The following CNBD1 variants were observed in gnomAD, a reference collection of about 807,000 sequenced individuals.
CNBD1 encodes cyclic nucleotide binding domain containing 1.
A neutral mutation model predicts 54.4 loss-of-function variants in CNBD1; 71 were observed. That is an observed-to-expected ratio of 1.30 (90% CI 1.08 to 1.59). The LOEUF (loss-of-function observed/expected upper bound fraction) is 1.59. Ranked by LOEUF, CNBD1 falls within the 40% of genes most tolerant of loss-of-function variation. CNBD1 has a pLI of 0.00. For synonymous variants in CNBD1, 182 were observed against 170.7 expected (o/e 1.07, Z -0.51); for missense variants, 659 against 518.0 (o/e 1.27, Z -2.64).
chr8:87,214,381 A>G (rs914194949), intron 5 of CNBD1, among the ~76,000 whole-genome samples: 10 of 152,080 alleles, frequency 6.6e-5, no homozygotes, highest in Non-Finnish European at 1.0e-4. Context: ...CCAGTTCCCA[A>G]CAAGTTATTT....
chr8:86,980,812 T>A (rs77988376), intron 4 of CNBD1, among the ~76,000 whole-genome samples: 2,923 of 152,324 alleles, frequency 0.019, 93 homozygotes, highest in African/African-American at 0.06. Context: ...TTTTAACAGA[T>A]GGGTAAACCC....
intron 8 of CNBD1, 23 bp downstream of exon 8, chr8:87,286,694 C>T: frequency 6.6e-7 from 1 of 1,507,446 alleles, no homozygotes; most frequent in Non-Finnish European, 9.0e-7. Flanking sequence ...CAATTTAGAT[C>T]ATTTTGTTTG....
At chr8:86,939,443 T>A (rs980630528) in intron 3 of CNBD1, among the ~76,000 whole-genome samples, 153 bp from the exon 4 acceptor site, 1 of 152,200 alleles carries the variant, frequency 6.6e-6, no homozygotes, top group Non-Finnish European at 1.5e-5. Context: ...CTATGGAGAT[T>A]GAAACATTCT....
chr8:87,203,041 C>A (rs1813896830), intron 4 of CNBD1, among the ~76,000 whole-genome samples: 1 of 152,182 alleles, frequency 6.6e-6, no homozygotes, highest in Non-Finnish European at 1.5e-5. Context: ...CCAAACTGAA[C>A]CCTGCCACTT....
intron 2 of CNBD1, among the ~76,000 whole-genome samples, chr8:87,401,801 C>A (rs1807570015): frequency 6.6e-6 from 1 of 151,958 alleles, no homozygotes; most frequent in Middle Eastern, 3.2e-3. Context: ...TTCCTGATAT[C>A]AATTATGCTT....
intron 4 of CNBD1, among the ~76,000 whole-genome samples, chr8:86,965,000 C>T (rs1298509266): frequency 2.0e-5 from 3 of 152,164 alleles, no homozygotes; most frequent in South Asian, 4.1e-4. Flanking sequence ...CCTCAAGGTG[C>T]TTAGACCTAA....
intron 4 of CNBD1, among the ~76,000 whole-genome samples, chr8:87,138,343 C>A (rs2130735652): frequency 6.6e-6 from 1 of 152,308 alleles, no homozygotes; most frequent in African/African-American, 2.4e-5. Context: ...TCTAAGCTCT[C>A]TACCCAGATG....
chr8:87,424,610 T>C (rs1265178276), intron 2 of CNBD1, among the ~76,000 whole-genome samples: 1 of 152,164 alleles, frequency 6.6e-6, no homozygotes, highest in East Asian at 1.9e-4. Flanking sequence ...AATCCTGAGT[T>C]CTAGTTTGAT....
chr8:87,213,738 C>G (rs764541472), intron 5 of CNBD1, among the ~76,000 whole-genome samples: 2 of 152,182 alleles, frequency 1.3e-5, no homozygotes, highest in Non-Finnish European at 2.9e-5. Flanking sequence ...CTTTTCAAAA[C>G]CAATCATGTC....
rs142065496 is a variant in CNBD1, at chr8:87,148,975, G to A, written c.432-57018G>A. ...CAATTCATTTCACTGCAAAAGGAAT[G>A]AGGTCCCAGTTTTCTCACCATTCCC... On this transcript the variant is annotated intron_variant, in intron 4 of 10. Coordinates refer to ENST00000518476, the MANE Select transcript of CNBD1 (RefSeq NM_173538.3). Among the ~76,000 whole-genome samples, 1,050 of 152,250 alleles carry A rather than the reference G, an allele frequency of 6.9e-3. 12 individuals are homozygous for A. Among genetic ancestry groups the A allele is most frequent in the African/African-American group, 0.024 (1,011 of 41,544 alleles).
chr8:87,159,277 C>G (rs1428113469), intron 4 of CNBD1, among the ~76,000 whole-genome samples: 2 of 152,044 alleles, frequency 1.3e-5, no homozygotes, highest in Admixed American at 6.6e-5. Flanking sequence ...TTAAATGAAG[C>G]AGAGAAACAT....
At chr8:87,298,398 C>T (rs1246950980) in intron 8 of CNBD1, among the ~76,000 whole-genome samples, 3 of 151,968 alleles carry the variant, frequency 2.0e-5, no homozygotes, top group Admixed American at 2.0e-4. Flanking sequence ...GGGGCTACTC[C>T]TCACCCCATG....
At position 87,357,738 on chromosome 8, in the gene CNBD1, G is replaced by A. The variant is rs190517312; in HGVS notation, c.1303+3952G>A. Among the ~76,000 whole-genome samples the A allele has an allele frequency of 1.5e-3, 222 of 152,238 alleles. 9 individuals carry two copies. Among genetic ancestry groups the A allele is most frequent in the Admixed American group, 0.013 (203 of 15,290 alleles). ...AAGACCAGGGGACTGTTGGGAAGGG[G>A]TGATTATATATTGCAATGTGAGAAG... is the stretch of plus-strand genomic sequence containing the variant. On this transcript the variant is annotated intron_variant, in intron 10 of 10. Transcript: ENST00000518476.
chr8:86,955,591 G>T (rs956062588), intron 4 of CNBD1, among the ~76,000 whole-genome samples: 1 of 151,994 alleles, frequency 6.6e-6, no homozygotes, highest in Non-Finnish European at 1.5e-5. Flanking sequence ...CAGTGATGAT[G>T]AGCAGTTTTT....
intron 4 of CNBD1, among the ~76,000 whole-genome samples, chr8:87,135,133 GGTT>G (rs1370612437): frequency 2.0e-5 from 3 of 151,872 alleles, no homozygotes; most frequent in Non-Finnish European, 4.4e-5. Flanking sequence ...AGATCATTTT[GGTT>G]GTTAAAACTA....
intron 4 of CNBD1, among the ~76,000 whole-genome samples, chr8:87,072,829 A>G (rs1289848302): frequency 6.6e-6 from 1 of 151,412 alleles, no homozygotes; most frequent in African/African-American, 2.4e-5. Context: ...GATTATCTGC[A>G]TTTCCTGAAT....
intron 4 of CNBD1, among the ~76,000 whole-genome samples, chr8:87,203,711 G>C (rs1356031512): frequency 6.6e-6 from 1 of 152,060 alleles, no homozygotes; most frequent in East Asian, 1.9e-4. Flanking sequence ...AATTTTAGAG[G>C]ACATACCCTC....
intron 8 of CNBD1, among the ~76,000 whole-genome samples, chr8:87,331,056 T>A (rs1296291158): frequency 6.6e-6 from 1 of 152,202 alleles, no homozygotes; most frequent in Non-Finnish European, 1.5e-5. Flanking sequence ...TTTTTTATTC[T>A]TTATTTTTTT....
At chr8:87,359,968 T>G (rs1490185014) in intron 10 of CNBD1, among the ~76,000 whole-genome samples, 1 of 152,050 alleles carries the variant, frequency 6.6e-6, no homozygotes, top group African/African-American at 2.4e-5. Flanking sequence ...CAAGAATTGT[T>G]AAAAACAGCA....
Sources: allele counts gnomAD v4.1 joint callset (sites outside exome capture counted in the v4.1 genomes callset), GRCh38; gene constraint gnomAD v4.1.1; transcripts MANE v1.5; gene names NCBI Gene and HGNC (gene_info 2026-07-23, HGNC 2026-07-21).